FBXL2: variants seen among roughly 807,000 people sequenced by gnomAD.
The protein encoded by FBXL2 is F-box/LRR-repeat protein 2.
Under a neutral mutation model 69.2 loss-of-function variants are expected in FBXL2, and 38 were observed. The observed-to-expected ratio is 0.55, with a 90% confidence interval of 0.42 to 0.72. The LOEUF (loss-of-function observed/expected upper bound fraction) is 0.72, where lower values mean the gene tolerates loss of function less well. Ranked by LOEUF, FBXL2 falls within the 30% of genes least tolerant of loss-of-function variation. The pLI is 0.00. For missense variants in FBXL2, 354 were observed against 520.3 expected (o/e 0.68, Z 3.11); for synonymous variants, 192 against 201.3 (o/e 0.95, Z 0.39).
chr3:33,404,082 G>A (rs2044345766), downstream of FBXL2, among the ~76,000 whole-genome samples: 1 of 152,126 alleles, frequency 6.6e-6, no homozygotes, highest in Admixed American at 6.5e-5. Flanking sequence ...GCAACACAGT[G>A]AGACCCTGTT....
chr3:33,288,238 C>G (rs1016856028), intron 1 of FBXL2, among the ~76,000 whole-genome samples: 21 of 152,194 alleles, frequency 1.4e-4, no homozygotes, highest in African/African-American at 4.8e-4. Context: ...ACAGCTGCGT[C>G]TTTCCATTGA....
chr3:33,412,673 T>C, the FBXL2 span: 43 of 1,210,194 alleles, frequency 3.6e-5, no homozygotes, highest in Non-Finnish European at 4.8e-5. Context: ...TTACTGGCTA[T>C]AGCTAAACAA....
At position 33,364,609 on chromosome 3, in the gene FBXL2, A is replaced by T. The variant is rs776068183; in HGVS notation, c.196-16A>T. 1.2e-6 allele frequency: 2 copies of T among 1,610,498 alleles called. No homozygotes were observed. Among genetic ancestry groups the T allele is most frequent in the South Asian group, 2.2e-5 (2 of 90,758 alleles). ...AAAAAACAGTATTTTTTCCTCCCGA[A>T]CTTTCTTGATTAAAGGGTCGAGTGG... is the stretch of plus-strand genomic sequence containing the variant. On this transcript the variant is annotated splice_polypyrimidine_tract_variant and intron_variant, in intron 4 of 14. Coordinates refer to ENST00000484457, the MANE Select transcript of FBXL2 (RefSeq NM_012157.5).
chr3:33,279,568 C>G (rs1026783186), intron 1 of FBXL2, among the ~76,000 whole-genome samples: 6 of 152,134 alleles, frequency 3.9e-5, no homozygotes, highest in African/African-American at 1.4e-4. Flanking sequence ...GCCTGGCCCC[C>G]AGAACTGTGT....
intron 12 of FBXL2, chr3:33,393,470 AAAAAAG>A (rs1366335252): frequency 3.1e-6 from 5 of 1,593,570 alleles, no homozygotes; most frequent in Admixed American, 3.7e-5. Flanking sequence ...ATTAAAAAAA[AAAAAAG>A]AAAAGCATTT....
chr3:33,352,885 ACT>A (rs1203503702), intron 2 of FBXL2, among the ~76,000 whole-genome samples: 1 of 149,500 alleles, frequency 6.7e-6, no homozygotes, highest in African/African-American at 2.5e-5. Context: ...ACACAGTGAG[ACT>A]CTGTCTCAAA....
At chr3:33,342,748 C>G (rs200124364) in intron 2 of FBXL2, among the ~76,000 whole-genome samples, 2 of 48,334 alleles carry the variant, frequency 4.1e-5, no homozygotes, top group African/African-American at 2.0e-4. Context: ...TTTTTTGAGA[C>G]AGAGTCTCGC....
intron 2 of FBXL2, among the ~76,000 whole-genome samples, chr3:33,314,421 T>C (rs915397504): frequency 2.0e-5 from 3 of 152,188 alleles, no homozygotes; most frequent in African/African-American, 7.2e-5. Flanking sequence ...TCATAGAGTG[T>C]TTGTCTTTTC....
chr3:33,307,824 AATT>A (rs2036851800), intron 2 of FBXL2, among the ~76,000 whole-genome samples: 1 of 152,182 alleles, frequency 6.6e-6, no homozygotes, highest in Non-Finnish European at 1.5e-5. Context: ...GTAAATCAGA[AATT>A]ATTTAAAAAT....
At chr3:33,328,423 C>T (rs553083961) in intron 2 of FBXL2, among the ~76,000 whole-genome samples, 1 of 152,208 alleles carries the variant, frequency 6.6e-6, no homozygotes, top group South Asian at 2.1e-4. Context: ...AAACTGGAGG[C>T]ATTACACTAC....
chr3:33,412,821 T>C, the FBXL2 span: 1 of 1,611,640 alleles, frequency 6.2e-7, no homozygotes, highest in Middle Eastern at 1.7e-4. Context: ...ACAACCCTTA[T>C]GATGCTCTGT....
rs376631954 is a variant in FBXL2, at chr3:33,307,187, G to A, written c.65+9462G>A. ...GCAAATGATCAAAGTTGGCATCACT[G>A]GTAACAATACAGATAGACATCATAT... On this transcript the variant is annotated intron_variant, in intron 2 of 14. Transcript: ENST00000484457. Among the ~76,000 whole-genome samples the A allele has an allele frequency of 7.0e-4, 107 of 152,216 alleles. 1 individual carries two copies. Among genetic ancestry groups the A allele is most frequent in the African/African-American group, 2.5e-3 (102 of 41,558 alleles).
intron 2 of FBXL2, among the ~76,000 whole-genome samples, chr3:33,335,627 A>G (rs1378956831): frequency 2.0e-5 from 3 of 152,218 alleles, no homozygotes; most frequent in Non-Finnish European, 4.4e-5. Flanking sequence ...ATTTCAAGGT[A>G]GACTGCAAAA....
chr3:33,401,098 T>G, intron 12 of FBXL2: 1 of 1,319,934 alleles, frequency 7.6e-7, no homozygotes, highest in Non-Finnish European at 1.0e-6. Context: ...GCTGTTGCAT[T>G]GTAACTATGC....
rs200197374 is a variant in FBXL2, at chr3:33,373,931, G to A, written c.657+10G>A. On this transcript the variant is annotated intron_variant, in intron 9 of 14. Coordinates refer to ENST00000484457, the MANE Select transcript of FBXL2 (RefSeq NM_012157.5). The stretch of plus-strand genomic sequence containing the variant: ...CTTGCAGTCCTGCTCAGTAAGTAGC[G>A]TGCCTTTCCTGAACACTGTTTGCTC... The A allele has an allele frequency of 1.4e-4, 226 of 1,613,582 alleles. No individual in the cohort carries two copies. Among genetic ancestry groups the A allele is most frequent in the Non-Finnish European group, 1.7e-4 (204 of 1,179,550 alleles).
At chr3:33,416,309 G>C in the FBXL2 span, among the ~76,000 whole-genome samples, 5 of 151,972 alleles carry the variant, frequency 3.3e-5, no homozygotes, top group African/African-American at 1.2e-4. Context: ...TAAAAGAACA[G>C]GTTAGCTGGA....
the FBXL2 span, among the ~76,000 whole-genome samples, chr3:33,417,846 A>G: frequency 1.2e-4 from 18 of 152,338 alleles, no homozygotes; most frequent in African/African-American, 4.3e-4. Flanking sequence ...CTTACAGAAA[A>G]ATATACAAAG....
chr3:33,294,234 T>C (rs2035529828), intron 1 of FBXL2, among the ~76,000 whole-genome samples: 1 of 152,010 alleles, frequency 6.6e-6, no homozygotes, highest in Non-Finnish European at 1.5e-5. Flanking sequence ...ATAGCTGGGA[T>C]CATAGGGACA....
intron 12 of FBXL2, chr3:33,393,390 C>T (rs2043843337): frequency 6.2e-7 from 1 of 1,613,448 alleles, no homozygotes; most frequent in Non-Finnish European, 8.5e-7. Flanking sequence ...GGATATTAAA[C>T]ACCAGCGCAA....
Sources: gnomAD v4.1 joint callset for allele counts (sites outside exome capture counted in the v4.1 genomes callset) on GRCh38, gnomAD v4.1.1 for gene constraint, MANE v1.5 for transcripts, NCBI Gene and HGNC (gene_info 2026-07-23, HGNC 2026-07-21) for gene names.